The following CD1B variants were observed in gnomAD, a reference collection of about 807,000 sequenced individuals.
The protein encoded by CD1B is T-cell surface glycoprotein CD1b.
Under a neutral mutation model 39.8 loss-of-function variants are expected in CD1B, and 43 were observed. The observed-to-expected ratio is 1.08, with a 90% CI of 0.85 to 1.39. CD1B has a LOEUF of 1.39. CD1B is among the 40% of genes most tolerant of loss of function. The pLI is 0.00. For synonymous variants in CD1B, 192 were observed against 152.5 expected (o/e 1.26, Z -1.91); for missense variants, 495 against 403.8 (o/e 1.23, Z -1.94).
the CD1B span, chr1:158,291,439 T>C: frequency 1.3e-6 from 2 of 1,596,648 alleles, no homozygotes; most frequent in Middle Eastern, 1.8e-4. Flanking sequence ...TTCTTTAGAA[T>C]GTTCTATTTC....
chr1:158,315,322 T>A, the CD1B span, among the ~76,000 whole-genome samples: 1 of 151,900 alleles, frequency 6.6e-6, no homozygotes, highest in Non-Finnish European at 1.5e-5. Flanking sequence ...GCACCTGTTG[T>A]TTCCTGACTT....
At chr1:158,292,355 A>T in the CD1B span, 2 of 1,613,460 alleles carry the variant, frequency 1.2e-6, no homozygotes, top group East Asian at 2.2e-5. Context: ...AGATGTATGT[A>T]CACAGGCAAG....
the CD1B span, among the ~76,000 whole-genome samples, chr1:158,304,612 G>T: frequency 6.6e-6 from 1 of 152,180 alleles, no homozygotes; most frequent in Non-Finnish European, 1.5e-5. Context: ...GCATGCAGCT[G>T]GAGATCTGAG....
the CD1B span, among the ~76,000 whole-genome samples, chr1:158,319,715 T>A: frequency 6.6e-6 from 1 of 152,252 alleles, no homozygotes; most frequent in Non-Finnish European, 1.5e-5. Context: ...AGGAACTGCG[T>A]TCCTTTGGAG....
the CD1B span, among the ~76,000 whole-genome samples, chr1:158,297,933 C>A: frequency 2.2e-5 from 3 of 137,428 alleles, no homozygotes; most frequent in East Asian, 4.5e-4. Flanking sequence ...GAGACCCTGT[C>A]TCACGTTAAA....
chr1:158,293,393 C>A, the CD1B span: 23 of 1,598,946 alleles, frequency 1.4e-5, no homozygotes, highest in South Asian at 2.2e-5. Context: ...GACTACTCCA[C>A]CTTATCCTCA....
chr1:158,323,938 C>G (rs1026339879), downstream of CD1B, among the ~76,000 whole-genome samples: 1 of 152,130 alleles, frequency 6.6e-6, no homozygotes, highest in African/African-American at 2.4e-5. Context: ...GTGGTCCCAC[C>G]AAGGAGTTTC....
At chr1:158,319,144 G>A in the CD1B span, among the ~76,000 whole-genome samples, 2 of 150,782 alleles carry the variant, frequency 1.3e-5, no homozygotes, top group Non-Finnish European at 1.5e-5. Flanking sequence ...TATGTGTCTT[G>A]GAGTTGCTCT....
At chr1:158,292,019 G>A in the CD1B span, 1 of 1,503,010 alleles carries the variant, frequency 6.7e-7, no homozygotes, top group Non-Finnish European at 9.0e-7. Flanking sequence ...TACAGCCCTA[G>A]GTTTTTATAC....
chr1:158,322,288 G>A, the CD1B span, among the ~76,000 whole-genome samples: 2 of 152,156 alleles, frequency 1.3e-5, no homozygotes, highest in African/African-American at 4.8e-5. Context: ...CCAGGCTGGA[G>A]TGCTGTGACT....
the CD1B span, chr1:158,291,541 C>A: frequency 2.4e-6 from 2 of 832,042 alleles, no homozygotes; most frequent in Non-Finnish European, 1.9e-6. Context: ...AGGGATATTC[C>A]TGATGTTGAC....
At chr1:158,324,460 C>T (rs771185296), downstream of CD1B, among the ~76,000 whole-genome samples, 7 of 152,122 alleles carry the variant, frequency 4.6e-5, no homozygotes, top group Non-Finnish European at 1.0e-4. Context: ...GTTTGTATTT[C>T]TATTCTGACT....
chr1:158,291,329 T>A, the CD1B span: 13 of 1,613,998 alleles, frequency 8.1e-6, no homozygotes. Context: ...GACCTAGAGT[T>A]GTTATTTCGT....
the CD1B span, among the ~76,000 whole-genome samples, chr1:158,303,097 C>T: frequency 3.9e-5 from 6 of 152,236 alleles, no homozygotes; most frequent in East Asian, 7.7e-4. Flanking sequence ...ATCAAATGGG[C>T]TTCATCCCTG....
chr1:158,293,900 A>C, the CD1B span, among the ~76,000 whole-genome samples: 1 of 152,296 alleles, frequency 6.6e-6, no homozygotes, highest in African/African-American at 2.4e-5. Flanking sequence ...ATCATATCTA[A>C]GTTGGATTAA....
chr1:158,303,949 A>T, the CD1B span, among the ~76,000 whole-genome samples: 1 of 152,262 alleles, frequency 6.6e-6, no homozygotes, highest in East Asian at 1.9e-4. Flanking sequence ...ATCAAAAAAG[A>T]GTCTGGGGGG....
the CD1B span, among the ~76,000 whole-genome samples, chr1:158,290,525 A>G: frequency 6.6e-6 from 1 of 152,164 alleles, no homozygotes; most frequent in African/African-American, 2.4e-5. Flanking sequence ...GATGGAGCTT[A>G]GTGGGAGAGC....
the CD1B span, among the ~76,000 whole-genome samples, chr1:158,321,771 A>G: frequency 6.6e-6 from 1 of 152,178 alleles, no homozygotes; most frequent in East Asian, 1.9e-4. Flanking sequence ...TCCTACTTTT[A>G]TTTTAAGTCC....
the CD1B span, among the ~76,000 whole-genome samples, chr1:158,296,839 G>A: frequency 2.0e-5 from 3 of 152,106 alleles, no homozygotes; most frequent in East Asian, 5.8e-4. Context: ...ACCACACTGA[G>A]GGAAGAATCT....
Sources: gnomAD v4.1 joint callset for allele counts (sites outside exome capture counted in the v4.1 genomes callset) on GRCh38, gnomAD v4.1.1 for gene constraint, MANE v1.5 for transcripts, NCBI Gene and HGNC (gene_info 2026-07-23, HGNC 2026-07-21) for gene names.